The following STAMBP variants were observed in gnomAD, a reference collection of about 807,000 sequenced individuals.
STAMBP encodes STAM binding protein, also known as STAM-binding protein.
A neutral mutation model predicts 50.7 loss-of-function variants in STAMBP; 31 were observed. That is an observed-to-expected ratio of 0.61 (90% CI 0.46 to 0.83). The LOEUF (loss-of-function observed/expected upper bound fraction) is 0.83. Among genes scored for constraint, STAMBP ranks in the 40% least tolerant of loss-of-function variants. The probability of loss-of-function intolerance (pLI) is 0.00; values close to 1 mark genes in which losing one functional copy is unlikely to be tolerated. For synonymous variants in STAMBP, 211 were observed against 192.4 expected (o/e 1.10, Z -0.80); for missense variants, 472 against 518.9 (o/e 0.91, Z 0.88).
chr2:73,831,081 T>G, intron 2 of STAMBP, 22 bp downstream of exon 2: 1 of 1,603,934 alleles, frequency 6.2e-7, no homozygotes, highest in Non-Finnish European at 8.5e-7. Context: ...ACAGTTTCCT[T>G]TTTCCTTTCT....
At position 73,860,625 on chromosome 2, in the gene STAMBP, C is replaced by T. The variant is rs573377579; in HGVS notation, c.1218+474C>T. On this transcript the variant is annotated intron_variant, in intron 9 of 9. Coordinates refer to ENST00000394070, the MANE Select transcript of STAMBP (RefSeq NM_213622.4). ...TATATTTGTAGAATTTTGCTTAAAT[C>T]ATAGGGGCTTTACGACCTTCCTACA... 9.9e-6 allele frequency: 9 copies of T among 908,428 alleles called. No homozygotes were observed. The South Asian group carries it at 3.5e-4, about 36-fold the overall frequency. The allele number at this position is 908,428 out of a possible 1,614,324, so 56.3% of individuals were successfully genotyped here. A position where few individuals can be genotyped will look rare whatever the true frequency, so the allele number is the denominator to read the frequency against.
At chr2:73,844,626 G>T (rs1675830059) in intron 2 of STAMBP, 187 bp from the exon 3 acceptor site, 1 of 417,400 alleles carries the variant, frequency 2.4e-6, no homozygotes, top group African/African-American at 2.1e-5. Flanking sequence ...TAGAGGAAAA[G>T]ACTCTGGCTC....
At chr2:73,843,406 G>GTGTATATATATATATATATATATATA (rs1458780751) in intron 2 of STAMBP, among the ~76,000 whole-genome samples, 10 of 129,932 alleles carry the variant, frequency 7.7e-5, no homozygotes, top group African/African-American at 2.7e-4. Flanking sequence ...GTTTGTGTAT[G>GTGTATATATATATATATATATATATA]TATATATATA....
At chr2:73,835,348 G>A (rs1384021046) in intron 2 of STAMBP, among the ~76,000 whole-genome samples, 5 of 141,378 alleles carry the variant, frequency 3.5e-5, no homozygotes, top group East Asian at 2.1e-4. Context: ...AGCGAGACTC[G>A]GTCTCAAAAA....
intron 2 of STAMBP, among the ~76,000 whole-genome samples, chr2:73,835,645 C>T (rs1674621916): frequency 6.6e-6 from 1 of 152,108 alleles, no homozygotes; most frequent in African/African-American, 2.4e-5. Context: ...AGGTCAGGTC[C>T]ATAGGACTTA....
chr2:73,849,462 CAT>C lies in STAMBP; in HGVS notation c.843_844del (p.Cys282TrpfsTer11), dbSNP rs771150854. On this transcript the variant is annotated frameshift_variant, in exon 6 of 10. Coordinates refer to ENST00000394070, the MANE Select transcript of STAMBP (RefSeq NM_213622.4). LOFTEE classifies it high-confidence loss of function. ...GCCAACACTGCCCGGGGAGTGGAGACATGTGGAATTCTCTGTGGAAAACTGGT... is the reference window on the plus strand; with the variant it reads ...GCCAACACTGCCCGGGGAGTGGAGACGTGGAATTCTCTGTGGAAAACTGGT... The C allele has an allele frequency of 1.1e-5, 18 of 1,607,262 alleles. No homozygotes were observed. The highest frequency in any genetic ancestry group is 2.2e-5 in the East Asian group (1 of 44,640).
chr2:73,845,320 AT>A, intron 4 of STAMBP, 58 bp downstream of exon 4: 2 of 1,181,594 alleles, frequency 1.7e-6, no homozygotes, highest in Non-Finnish European at 2.5e-6. Context: ...GTGCCCTGGG[AT>A]TGTAATATGA....
At chr2:73,859,134 G>A (rs1343543305) in intron 7 of STAMBP, 120 bp from the exon 8 acceptor site, 3 of 717,066 alleles carry the variant, frequency 4.2e-6, no homozygotes, top group African/African-American at 1.7e-5. Flanking sequence ...GTTATCGTAT[G>A]TAATATTTTC....
intron 7 of STAMBP, among the ~76,000 whole-genome samples, chr2:73,851,313 GA>G (rs1258807755): frequency 7.2e-5 from 11 of 152,316 alleles, no homozygotes; most frequent in Admixed American, 2.0e-4. Context: ...ATGGGGGAGA[GA>G]AAACTTGTTC....
At position 73,865,329 on chromosome 2, in the gene STAMBP, C is replaced by T. The variant is rs1047728642; in HGVS notation, c.*3070C>T. ...GTTGTTCCCTAGAAAATAGAGTCAG[C>T]TATTGATATTGTGCCTCCCATCCCT... On this transcript the variant is annotated 3_prime_UTR_variant, in exon 10 of 10. Transcript: ENST00000394070. 2 of 152,160 alleles carry T rather than the reference C, an allele frequency of 1.3e-5. No individual in the cohort carries two copies. The highest frequency in any genetic ancestry group is 4.8e-5 in the African/African-American group (2 of 41,444). The allele number at this position is 152,160 out of a possible 1,614,324, so 9.4% of individuals were successfully genotyped here. A position where few individuals can be genotyped will look rare whatever the true frequency, so the allele number is the denominator to read the frequency against.
At chr2:73,860,569 A>G in intron 9 of STAMBP, 1 of 986,406 alleles carries the variant, frequency 1.0e-6, no homozygotes, top group Non-Finnish European at 1.2e-6. Flanking sequence ...GGCAAAGGAA[A>G]AGAGAAGCCA....
chr2:73,857,951 TC>T (rs1001265878), intron 7 of STAMBP, among the ~76,000 whole-genome samples: 2 of 151,992 alleles, frequency 1.3e-5, no homozygotes, highest in Non-Finnish European at 2.9e-5. Flanking sequence ...AGACAGCTCT[TC>T]CAGTTTCCAA....
intron 2 of STAMBP, 80 bp downstream of exon 2, chr2:73,831,139 A>T (rs961736383): frequency 2.5e-5 from 29 of 1,137,640 alleles, no homozygotes; most frequent in Non-Finnish European, 3.6e-5. Flanking sequence ...AAAACCACAG[A>T]ACTTCACAAT....
intron 9 of STAMBP, among the ~76,000 whole-genome samples, chr2:73,861,931 A>T (rs1678378327): frequency 6.6e-6 from 1 of 152,128 alleles, no homozygotes; most frequent in South Asian, 2.1e-4. Flanking sequence ...TGAGGTCAGG[A>T]GTTCAAGTCC....
rs1341656080 is a variant in STAMBP at position 73,864,883 on chromosome 2, G to T, written c.*2624G>T. ...CTGATTTGCTTGGGGTCAGAGCAGA[G>T]CTGGGTTTTTTCAGATGATCACTTT... On this transcript the variant is annotated 3_prime_UTR_variant, in exon 10 of 10. Coordinates refer to ENST00000394070, the MANE Select transcript of STAMBP (RefSeq NM_213622.4). 1.3e-5 allele frequency: 2 copies of T among 152,236 alleles called. No individual in the cohort carries two copies. Among genetic ancestry groups the T allele is most frequent in the Non-Finnish European group, 2.9e-5 (2 of 68,074 alleles). 9.4% of individuals were successfully genotyped at this position (152,236 alleles called of 1,614,324 possible). A position where few individuals can be genotyped will look rare whatever the true frequency, so the allele number is the denominator to read the frequency against.
At chr2:73,840,335 T>G (rs958075877) in intron 2 of STAMBP, among the ~76,000 whole-genome samples, 1 of 151,356 alleles carries the variant, frequency 6.6e-6, no homozygotes, top group Non-Finnish European at 1.5e-5. Context: ...TTTTTCAGTT[T>G]TTTCTACTTT....
rs1553386350 is a variant in STAMBP at position 73,859,714 on chromosome 2, T to TAAAAA, written c.1119-336_1119-335insAAAAA. Reference sequence around the variant, plus strand: ...ATAAAAAATAAAAAATAAAAAAATATAATAAAAAAATAAAAATAAAAAATA... The same window carrying TAAAAA: ...ATAAAAAATAAAAAATAAAAAAATATAAAAAAATAAAAAAATAAAAATAAAAAATA... On this transcript the variant is annotated intron_variant, in intron 8 of 9. Transcript: ENST00000394070. Among the ~76,000 whole-genome samples, 141 of 147,978 alleles carry TAAAAA rather than the reference T, an allele frequency of 9.5e-4. No individual in the cohort carries two copies. The South Asian group carries it at 0.013, about 14-fold the overall frequency.
intron 2 of STAMBP, among the ~76,000 whole-genome samples, chr2:73,838,854 C>T (rs917692928): frequency 6.6e-6 from 1 of 152,122 alleles, no homozygotes; most frequent in Non-Finnish European, 1.5e-5. Context: ...ATGTAGCTAC[C>T]TTCACTTTTC....
chr2:73,845,066 A>C, intron 3 of STAMBP, 101 bp from the exon 4 acceptor site: 2 of 1,562,016 alleles, frequency 1.3e-6, no homozygotes, highest in Non-Finnish European at 1.7e-6. Flanking sequence ...ATTTTAAATC[A>C]TTTTGGGAAA....
Sources: allele counts gnomAD v4.1 joint callset (sites outside exome capture counted in the v4.1 genomes callset), GRCh38; gene constraint gnomAD v4.1.1; transcripts MANE v1.5; gene names NCBI Gene and HGNC (gene_info 2026-07-23, HGNC 2026-07-21).